Variants in CNOT2 observed in about 807,000 individuals in gnomAD.
CNOT2 encodes the protein CC chemokine receptor 4-negative regulator of transcription 2.
Under a neutral mutation model 72.1 loss-of-function variants are expected in CNOT2, and 7 were observed. The ratio of observed to expected loss-of-function variants is 0.10; its 90% CI spans 0.06 to 0.18. CNOT2 has a LOEUF of 0.18. CNOT2 is among the 10% of genes least tolerant of loss of function. CNOT2 has a pLI of 1.00. For synonymous variants in CNOT2, 196 were observed against 225.6 expected (o/e 0.87, Z 1.17); for missense variants, 345 against 660.3 (o/e 0.52, Z 5.23).
chr12:70,320,488 T>C (rs1483754554), intron 4 of CNOT2, among the ~76,000 whole-genome samples: 1 of 151,780 alleles, frequency 6.6e-6, no homozygotes, highest in Non-Finnish European at 1.5e-5. Flanking sequence ...ATAAAAGTTA[T>C]TCTGTATTAA....
At chr12:70,319,514 T>G in intron 4 of CNOT2, 150 bp downstream of exon 4, 1 of 680,932 alleles carries the variant, frequency 1.5e-6, no homozygotes, top group Middle Eastern at 4.2e-4. Flanking sequence ...TTTACTTACA[T>G]AGCAAAACCT....
At chr12:70,319,908 C>T (rs759856861) in intron 4 of CNOT2, among the ~76,000 whole-genome samples, 4 of 151,662 alleles carry the variant, frequency 2.6e-5, no homozygotes, top group African/African-American at 4.8e-5. Context: ...CAGGCTTCTA[C>T]TTCTATTTTT....
chr12:70,254,360 C>T (rs1208564572), intron 1 of CNOT2, among the ~76,000 whole-genome samples: 1 of 152,010 alleles, frequency 6.6e-6, no homozygotes, highest in Non-Finnish European at 1.5e-5. Flanking sequence ...AAGATAGTTA[C>T]TAATGTGAAT....
At chr12:70,248,814 T>C (rs1958009380) in intron 1 of CNOT2, among the ~76,000 whole-genome samples, 1 of 151,910 alleles carries the variant, frequency 6.6e-6, no homozygotes, top group African/African-American at 2.4e-5. Flanking sequence ...AAAAAGGGAG[T>C]ATGATCCAGT....
At chr12:70,335,610 G>C (rs574586147) in intron 8 of CNOT2, 47 bp downstream of exon 8, 19 of 1,453,980 alleles carry the variant, frequency 1.3e-5, no homozygotes, top group Middle Eastern at 3.5e-4. Flanking sequence ...TCCATTGTAT[G>C]TGCACACACA....
At chr12:70,327,790 C>T (rs1365663496) in intron 4 of CNOT2, 1 of 151,362 alleles carries the variant, frequency 6.6e-6, no homozygotes, top group African/African-American at 2.4e-5. Flanking sequence ...AGTAGGCATT[C>T]ATTAAATGTT....
Position 70,299,840 on chromosome 12 carries a change from G to A in CNOT2, c.49-11055G>A, listed in dbSNP as rs573660664. Among the ~76,000 whole-genome samples, 627 of 152,182 alleles carry A rather than the reference G, an allele frequency of 4.1e-3. 4 individuals carry two copies. Among genetic ancestry groups the A allele is most frequent in the African/African-American group, 0.014 (584 of 41,526 alleles). ...GTTGAACTAGTTTACAGTCCCACCA[G>A]CAGTGTAAAAGTGTTCCTATTTCTC... On this transcript the variant is annotated intron_variant, in intron 2 of 15. Transcript: ENST00000229195.
intron 2 of CNOT2, among the ~76,000 whole-genome samples, chr12:70,289,499 A>G (rs1871489256): frequency 6.6e-6 from 1 of 151,940 alleles, no homozygotes; most frequent in Non-Finnish European, 1.5e-5. Context: ...CAAATTTAGG[A>G]ATTTTTTTCA....
intron 7 of CNOT2, among the ~76,000 whole-genome samples, chr12:70,333,218 A>G (rs10506589): frequency 0.061 from 9,292 of 151,978 alleles, 436 homozygotes; most frequent in East Asian, 0.16. Flanking sequence ...GTGGTATGAC[A>G]TTCTGGCTAT....
chr12:70,334,775 C>T (rs1372264567), intron 7 of CNOT2: 1 of 151,968 alleles, frequency 6.6e-6, no homozygotes, highest in African/African-American at 2.4e-5. Flanking sequence ...ATTTATTGAG[C>T]GCCTACTGTG....
At chr12:70,266,236 GC>G (rs1251648379) in intron 1 of CNOT2, among the ~76,000 whole-genome samples, 1 of 151,790 alleles carries the variant, frequency 6.6e-6, no homozygotes, top group African/African-American at 2.4e-5. Flanking sequence ...CGGTTCTCCT[GC>G]CTCAGCCTCC....
intron 3 of CNOT2, among the ~76,000 whole-genome samples, chr12:70,312,884 G>A (rs77046150): frequency 0.023 from 3,441 of 151,826 alleles, 81 homozygotes; most frequent in Admixed American, 0.047. Flanking sequence ...AAATACACTT[G>A]AAGAAAAATT....
intron 5 of CNOT2, 197 bp downstream of exon 5, chr12:70,329,767 A>G (rs1879649389): frequency 1.9e-6 from 1 of 528,084 alleles, no homozygotes; most frequent in Admixed American, 3.3e-5. Flanking sequence ...TGCAGCTCGC[A>G]TACTGGTTGT....
intron 11 of CNOT2, among the ~76,000 whole-genome samples, chr12:70,341,432 C>G (rs571191024): frequency 1.3e-4 from 20 of 152,208 alleles, no homozygotes; most frequent in Admixed American, 7.2e-4. Flanking sequence ...CAGATCTGAC[C>G]ACCTTAATGA....
intron 2 of CNOT2, among the ~76,000 whole-genome samples, chr12:70,301,190 T>C (rs1873890339): frequency 6.6e-6 from 1 of 152,190 alleles, no homozygotes; most frequent in South Asian, 2.1e-4. Flanking sequence ...ACTTCCTCTT[T>C]TCCTAATTGA....
intron 2 of CNOT2, among the ~76,000 whole-genome samples, chr12:70,303,288 G>T (rs910561778): frequency 6.6e-6 from 1 of 152,196 alleles, no homozygotes; most frequent in Non-Finnish European, 1.5e-5. Flanking sequence ...TTGCTCGTTA[G>T]TTGATGCAGT....
At chr12:70,251,500 A>G (rs988804962) in intron 1 of CNOT2, among the ~76,000 whole-genome samples, 3 of 152,162 alleles carry the variant, frequency 2.0e-5, no homozygotes, top group African/African-American at 7.2e-5. Context: ...CCACAGTATG[A>G]GGTCTTATCT....
chr12:70,275,446 C>T (rs1868616607), intron 1 of CNOT2, among the ~76,000 whole-genome samples: 1 of 152,066 alleles, frequency 6.6e-6, no homozygotes, highest in Non-Finnish European at 1.5e-5. Context: ...CCTTGTGCTT[C>T]AGCCTCAAAA....
At chr12:70,250,891 A>G (rs1481517055) in intron 1 of CNOT2, among the ~76,000 whole-genome samples, 2 of 152,162 alleles carry the variant, frequency 1.3e-5, no homozygotes, top group Non-Finnish European at 2.9e-5. Flanking sequence ...ACTTCAGAAA[A>G]TATTGTGGTG....
Sources: gnomAD v4.1 joint callset for allele counts (sites outside exome capture counted in the v4.1 genomes callset) on GRCh38, gnomAD v4.1.1 for gene constraint, MANE v1.5 for transcripts, NCBI Gene and HGNC (gene_info 2026-07-23, HGNC 2026-07-21) for gene names.